PAX3: variants seen among roughly 807,000 people sequenced by gnomAD.
The protein encoded by PAX3 is paired box 3.
Under a neutral mutation model 51.6 loss-of-function variants are expected in PAX3, and 14 were observed. The ratio of observed to expected loss-of-function variants is 0.27; its 90% CI spans 0.18 to 0.42. The LOEUF is 0.42. Ranked by LOEUF, PAX3 falls within the 10% of genes least tolerant of loss-of-function variation. The pLI, the probability that PAX3 is intolerant of heterozygous loss-of-function variation, is 1.00. For synonymous variants in PAX3, 280 were observed against 253.4 expected (o/e 1.11, Z -1.00); for missense variants, 540 against 642.8 (o/e 0.84, Z 1.73).
chr2:222,253,574 G>A (rs1008508492), intron 4 of PAX3, among the ~76,000 whole-genome samples: 6 of 148,910 alleles, frequency 4.0e-5, no homozygotes, highest in Non-Finnish European at 7.5e-5. Flanking sequence ...TTAGACATAC[G>A]TTTTGTTTCC....
At chr2:222,213,485 C>T (rs1039950339) in intron 7 of PAX3, among the ~76,000 whole-genome samples, 3 of 152,108 alleles carry the variant, frequency 2.0e-5, no homozygotes, top group Non-Finnish European at 4.4e-5. Context: ...TGATCATAAA[C>T]ATTCTTGAGC....
chr2:222,206,972 A>G (rs1574626700), intron 7 of PAX3, among the ~76,000 whole-genome samples: 1 of 152,114 alleles, frequency 6.6e-6, no homozygotes, highest in Non-Finnish European at 1.5e-5. Flanking sequence ...CTGATTTAAC[A>G]TTTAACATAC....
intron 4 of PAX3, among the ~76,000 whole-genome samples, chr2:222,283,085 C>G (rs1357106631): frequency 1.3e-5 from 2 of 152,164 alleles, no homozygotes; most frequent in African/African-American, 4.8e-5. Flanking sequence ...TTGTCCTTAC[C>G]AGGGAGGAAT....
intron 5 of PAX3, among the ~76,000 whole-genome samples, chr2:222,222,950 T>C (rs1574650556): frequency 6.6e-6 from 1 of 152,326 alleles, no homozygotes; most frequent in Non-Finnish European, 1.5e-5. Context: ...TCGCTTGAGA[T>C]GGAAGTGACA....
intron 4 of PAX3, among the ~76,000 whole-genome samples, chr2:222,283,830 A>G (rs959863563): frequency 6.6e-6 from 1 of 152,248 alleles, no homozygotes; most frequent in African/African-American, 2.4e-5. Flanking sequence ...AGGTCAGACC[A>G]GTGCATGCGG....
chr2:222,293,510 C>T, intron 4 of PAX3: 1 of 912,870 alleles, frequency 1.1e-6, no homozygotes, highest in Non-Finnish European at 1.7e-6. Context: ...ACAGAGGGTG[C>T]CAGCACTCTA....
At chr2:222,237,729 G>T (rs1165640060) in intron 4 of PAX3, among the ~76,000 whole-genome samples, 1 of 152,082 alleles carries the variant, frequency 6.6e-6, no homozygotes, top group Non-Finnish European at 1.5e-5. Flanking sequence ...TTGATATCTA[G>T]GGTCAGTCTG....
chr2:222,281,757 G>C (rs914457708), intron 4 of PAX3, among the ~76,000 whole-genome samples: 7 of 152,300 alleles, frequency 4.6e-5, no homozygotes, highest in Non-Finnish European at 1.0e-4. Flanking sequence ...AAATTATGCA[G>C]AGCAGGGAAT....
intron 4 of PAX3, among the ~76,000 whole-genome samples, chr2:222,285,128 T>C (rs2106181582): frequency 6.6e-6 from 1 of 152,352 alleles, no homozygotes; most frequent in South Asian, 2.1e-4. Context: ...TTTCTTATAA[T>C]AAAATGAATT....
chr2:222,226,554 C>T (rs181655174), intron 5 of PAX3, among the ~76,000 whole-genome samples: 91 of 152,114 alleles, frequency 6.0e-4, no homozygotes, highest in African/African-American at 2.0e-3. Flanking sequence ...TGCTTCATTA[C>T]GGAGCTTAGG....
At chr2:222,238,269 G>A (rs1419041884) in intron 4 of PAX3, among the ~76,000 whole-genome samples, 1 of 152,188 alleles carries the variant, frequency 6.6e-6, no homozygotes, top group Non-Finnish European at 1.5e-5. Context: ...TAGAGAGTAT[G>A]TCTTTGTCCG....
chr2:222,235,170 G>A (rs1400424508), intron 4 of PAX3, among the ~76,000 whole-genome samples: 5 of 152,166 alleles, frequency 3.3e-5, no homozygotes, highest in Admixed American at 2.6e-4. Flanking sequence ...AGAATGGTTA[G>A]ATTTACAAGC....
At chr2:222,242,796 T>G (rs1462453845) in intron 4 of PAX3, 1 of 152,212 alleles carries the variant, frequency 6.6e-6, no homozygotes, top group African/African-American at 2.4e-5. Context: ...AGAACTCTGC[T>G]TATGAAATCT....
intron 4 of PAX3, among the ~76,000 whole-genome samples, chr2:222,248,293 A>G (rs933993524): frequency 2.0e-5 from 3 of 152,200 alleles, no homozygotes; most frequent in African/African-American, 7.2e-5. Context: ...ACTTCCCAGA[A>G]TTTCATGTGC....
chr2:222,257,464 A>T (rs555372806), intron 4 of PAX3, among the ~76,000 whole-genome samples: 2 of 152,376 alleles, frequency 1.3e-5, no homozygotes, highest in Non-Finnish European at 2.9e-5. Flanking sequence ...TGCTCAAAAA[A>T]TAATTATTTG....
intron 4 of PAX3, among the ~76,000 whole-genome samples, chr2:222,255,164 C>T (rs767518530): frequency 2.0e-5 from 3 of 152,192 alleles, no homozygotes; most frequent in Non-Finnish European, 2.9e-5. Flanking sequence ...GTTCAGGCCA[C>T]ATTCATTTAT....
In PAX3 at chr2:222,293,289, C is replaced by T. The variant is rs45533737; in HGVS notation, c.586+878G>A. Among the ~76,000 whole-genome samples, 806 of 152,358 alleles carry T rather than the reference C, an allele frequency of 5.3e-3. 9 individuals are homozygous for T. The highest frequency in any genetic ancestry group is 0.018 in the African/African-American group (746 of 41,582). On this transcript the variant is annotated intron_variant, in intron 4 of 8. Transcript: ENST00000392070. ...CTGAGACACAATCCTCCCCTCCCCC[C>T]TGCCGTCTCCTGCTGCAATGATCCT... is the stretch of plus-strand genomic sequence containing the variant.
chr2:222,220,276 G>A lies in PAX3; in HGVS notation c.1037C>T (p.Ser346Phe). 1 of 1,614,134 alleles carries A rather than the reference G, an allele frequency of 6.2e-7. No individual in the cohort carries two copies. The highest frequency in any genetic ancestry group is 8.5e-7 in the Non-Finnish European group (1 of 1,179,974). Residue 346 changes from serine to phenylalanine, a missense_variant, in exon 7 of 9, where the codon TCC (serine) becomes TTC (phenylalanine). Transcript: ENST00000392070. The stretch of plus-strand genomic sequence containing the variant: ...GTAGGCAGAGCTGCTGTCTGGGTTG[G>A]AAGGAATCGTGCTTTGGTGTACAGT... ...PSTVHQSTIP[S>F]NPDSSSAYCL... is the part of the protein sequence containing the mutation.
intron 7 of PAX3, among the ~76,000 whole-genome samples, chr2:222,210,635 A>C (rs1292242020): frequency 6.6e-6 from 1 of 152,112 alleles, no homozygotes; most frequent in Non-Finnish European, 1.5e-5. Context: ...TGAATTTCTC[A>C]AATAAATTGA....
Sources: allele counts gnomAD v4.1 joint callset (sites outside exome capture counted in the v4.1 genomes callset), GRCh38; gene constraint gnomAD v4.1.1; transcripts MANE v1.5; gene names NCBI Gene and HGNC (gene_info 2026-07-23, HGNC 2026-07-21).